The following SINHCAF variants were observed in gnomAD, a reference collection of about 807,000 sequenced individuals.
SINHCAF encodes SIN3-HDAC complex-associated factor.
SINHCAF carries 3 observed loss-of-function variants against 25.8 expected under a neutral mutation model. The ratio of observed to expected loss-of-function variants is 0.12; its 90% CI spans 0.05 to 0.30. The LOEUF (loss-of-function observed/expected upper bound fraction) is 0.30, where lower values mean the gene tolerates loss of function less well. Ranked by LOEUF, SINHCAF falls within the 10% of genes least tolerant of loss-of-function variation. The pLI is 1.00. For synonymous variants in SINHCAF, 70 were observed against 85.5 expected (o/e 0.82, Z 1.00); for missense variants, 121 against 262.3 (o/e 0.46, Z 3.72).
chr12:31,304,968 A>G (rs1938961225), intron 1 of SINHCAF: 1 of 152,222 alleles, frequency 6.6e-6, no homozygotes, highest in Non-Finnish European at 1.5e-5. Context: ...GAATGTTTAG[A>G]CAGGAGATCA....
chr12:31,283,521 T>G (rs1389713258), intron 5 of SINHCAF, among the ~76,000 whole-genome samples: 7 of 151,966 alleles, frequency 4.6e-5, no homozygotes, highest in African/African-American at 7.3e-5. Context: ...TAGAATCACT[T>G]GAACCCAGGA....
At chr12:31,323,137 C>T (rs1939768030) in intron 1 of SINHCAF, among the ~76,000 whole-genome samples, 1 of 152,144 alleles carries the variant, frequency 6.6e-6, no homozygotes, top group Admixed American at 6.5e-5. Flanking sequence ...TCAAGGTCAT[C>T]CTAAGGCACT....
At chr12:31,307,150 TC>T (rs1939061203) in intron 1 of SINHCAF, among the ~76,000 whole-genome samples, 2 of 152,288 alleles carry the variant, frequency 1.3e-5, no homozygotes, top group Admixed American at 6.5e-5. Context: ...CACTTTGTGG[TC>T]TGCTAAATTC....
At chr12:31,314,231 A>G (rs1481157643) in intron 1 of SINHCAF, among the ~76,000 whole-genome samples, 2 of 152,058 alleles carry the variant, frequency 1.3e-5, no homozygotes, top group Non-Finnish European at 2.9e-5. Flanking sequence ...AGTTAGAAAG[A>G]TGAAGATAGA....
intron 5 of SINHCAF, among the ~76,000 whole-genome samples, chr12:31,285,418 TACACAC>T (rs71444392): frequency 0.012 from 1,688 of 141,432 alleles, 16 homozygotes; most frequent in East Asian, 0.037. Context: ...TATATATACA[TACACAC>T]ACACACACAC....
At chr12:31,309,155 A>ACTATCAT (rs1289867570) in intron 1 of SINHCAF, among the ~76,000 whole-genome samples, 1 of 149,740 alleles carries the variant, frequency 6.7e-6, no homozygotes, top group Non-Finnish European at 1.5e-5. Context: ...AAAAAAGAAC[A>ACTATCAT]CTATCATCCT....
At position 31,324,608 on chromosome 12, in the gene SINHCAF, G is replaced by C. The variant is rs1200612249; in HGVS notation, c.-21+1416C>G. 3.8e-6 allele frequency: 1 copy of C among 261,192 alleles called. No homozygotes were observed. The highest frequency in any genetic ancestry group is 2.3e-5 in the African/African-American group (1 of 43,474). 16.2% of individuals were successfully genotyped at this position (261,192 alleles called of 1,614,324 possible). ...CCGACCTGCACGGCCCTACGCCCAG[G>C]CGGCGGCCCCGAGCGCCGGGGGCCC... On this transcript the variant is annotated intron_variant, in intron 1 of 5. Coordinates refer to ENST00000337682, the MANE Select transcript of SINHCAF (RefSeq NM_001135812.2). This position sits in a 1 kb window ranked among gnomAD's most constrained non-coding sequence, Gnocchi z 5.5.
rs528873010 is a variant in SINHCAF, at chr12:31,311,696, T to C, written c.-20-13472A>G. ...ACAATATTTTTGAAGTATGCAAGCA[T>C]TGAGAAAAATGGTGAATTTTTCATG... On this transcript the variant is annotated intron_variant, in intron 1 of 5. Coordinates refer to ENST00000337682, the MANE Select transcript of SINHCAF (RefSeq NM_001135812.2). 5.3e-4 allele frequency: 260 copies of C among 492,890 alleles called. 4 individuals carry two copies. Among genetic ancestry groups the C allele is most frequent in the South Asian group, 3.9e-3 (224 of 57,054 alleles). 30.5% of individuals were successfully genotyped at this position (492,890 alleles called of 1,614,324 possible).
At chr12:31,289,124 C>T (rs1460992604) in intron 4 of SINHCAF, among the ~76,000 whole-genome samples, 1 of 152,054 alleles carries the variant, frequency 6.6e-6, no homozygotes, top group African/African-American at 2.4e-5. Flanking sequence ...CCCATATGAA[C>T]GACACAGAAA....
intron 1 of SINHCAF, among the ~76,000 whole-genome samples, chr12:31,306,847 T>A (rs1939045426): frequency 6.6e-6 from 1 of 152,222 alleles, no homozygotes; most frequent in African/African-American, 2.4e-5. Context: ...TGCTACTTTA[T>A]TCTTTGCTAG....
rs372438568 is a variant in SINHCAF at position 31,299,538 on chromosome 12, G to A, written c.-20-1314C>T. ...TCAGCATGTTAGCCAGGATGGTCTC[G>A]ATCTCCTGACCTTGTGATCCACCCG... On this transcript the variant is annotated intron_variant, in intron 1 of 5. Transcript: ENST00000337682. 9.2e-5 allele frequency among the ~76,000 whole-genome samples: 14 copies of A among 152,118 alleles called. No individual in the cohort carries two copies. The South Asian group carries it at 2.3e-3, about 25-fold the overall frequency.
rs532837870 is a variant in SINHCAF, at chr12:31,324,064, G to T, written c.-21+1960C>A. On this transcript the variant is annotated intron_variant, in intron 1 of 5. Coordinates refer to ENST00000337682, the MANE Select transcript of SINHCAF (RefSeq NM_001135812.2). The surrounding 1 kb of genome is among the most constrained non-coding windows in gnomAD (Gnocchi z 5.5). ...TAAATAAGACATCTCGCGTCGGGAGGAAAGTTCCTGCGGGGGCCGCTCGCC... is the reference window on the plus strand; with the variant it reads ...TAAATAAGACATCTCGCGTCGGGAGTAAAGTTCCTGCGGGGGCCGCTCGCC... 2 of 454,138 alleles carry T rather than the reference G, an allele frequency of 4.4e-6. No homozygotes were observed. Among genetic ancestry groups the T allele is most frequent in the African/African-American group, 2.0e-5 (1 of 50,126 alleles). 28.1% of individuals were successfully genotyped at this position (454,138 alleles called of 1,614,324 possible). A position where few individuals can be genotyped will look rare whatever the true frequency, so the allele number is the denominator to read the frequency against.
At chr12:31,303,311 T>TG (rs1369677105) in intron 1 of SINHCAF, 2 of 801,372 alleles carry the variant, frequency 2.5e-6, no homozygotes, top group African/African-American at 3.7e-5. Context: ...CCTTCTGCAT[T>TG]GGGAAGGCTC....
rs115650776 is a variant in SINHCAF at position 31,297,992 on chromosome 12, G to T, written c.128+85C>A. On this transcript the variant is annotated intron_variant, in intron 2 of 5. Transcript: ENST00000337682. ...AAGTGATTTTTATTATTAGCACATT[G>T]TTCCAATCACCTTGCTTACAAATAT... The T allele has an allele frequency of 5.6e-4, 737 of 1,314,286 alleles. 8 individuals are homozygous for T. The African/African-American group carries it at 9.8e-3, about 17-fold the overall frequency. 81.4% of individuals were successfully genotyped at this position (1,314,286 alleles called of 1,614,324 possible).
intron 1 of SINHCAF, among the ~76,000 whole-genome samples, chr12:31,316,599 A>C (rs1207709577): frequency 6.6e-6 from 1 of 152,210 alleles, no homozygotes; most frequent in African/African-American, 2.4e-5. Flanking sequence ...AATTAAACAC[A>C]TAAGTTTACT....
At chr12:31,299,204 G>C (rs1473247431) in intron 1 of SINHCAF, among the ~76,000 whole-genome samples, 1 of 152,162 alleles carries the variant, frequency 6.6e-6, no homozygotes, top group Non-Finnish European at 1.5e-5. Context: ...GTGATGAAAA[G>C]GCAATGAATA....
rs1937755532 is a variant in SINHCAF, at chr12:31,280,698, C to G, written c.*2014G>C. 1 of 152,266 alleles carries G rather than the reference C, an allele frequency of 6.6e-6. No individual in the cohort carries two copies. Among genetic ancestry groups the G allele is most frequent in the African/African-American group, 2.4e-5 (1 of 41,310 alleles). The allele number at this position is 152,266 out of a possible 1,614,324, so 9.4% of individuals were successfully genotyped here. A position where few individuals can be genotyped will look rare whatever the true frequency, so the allele number is the denominator to read the frequency against. ...TCTGTAGATTTCTAATATATTAATA[C>G]AAAGTGCATGACTACATACAGTACA... On this transcript the variant is annotated 3_prime_UTR_variant, in exon 6 of 6. Coordinates refer to ENST00000337682, the MANE Select transcript of SINHCAF (RefSeq NM_001135812.2).
chr12:31,324,051 C>A lies in SINHCAF; in HGVS notation c.-21+1973G>T. On this transcript the variant is annotated intron_variant, in intron 1 of 5. Coordinates refer to ENST00000337682, the MANE Select transcript of SINHCAF (RefSeq NM_001135812.2). This position sits in a 1 kb window ranked among gnomAD's most constrained non-coding sequence, Gnocchi z 5.5. ...GTGGATTTGTTGGTAAATAAGACATCTCGCGTCGGGAGGAAAGTTCCTGCG... is the reference window on the plus strand; with the variant it reads ...GTGGATTTGTTGGTAAATAAGACATATCGCGTCGGGAGGAAAGTTCCTGCG... The A allele has an allele frequency of 2.2e-6, 1 of 454,552 alleles. No individual in the cohort carries two copies. Among genetic ancestry groups the A allele is most frequent in the South Asian group, 1.6e-5 (1 of 64,494 alleles). The allele number at this position is 454,552 out of a possible 1,614,324, so 28.2% of individuals were successfully genotyped here. A position where few individuals can be genotyped will look rare whatever the true frequency, so the allele number is the denominator to read the frequency against.
At chr12:31,305,417 T>C (rs1938981380) in intron 1 of SINHCAF, among the ~76,000 whole-genome samples, 1 of 152,186 alleles carries the variant, frequency 6.6e-6, no homozygotes, top group Admixed American at 6.5e-5. Context: ...GTATCAGTCA[T>C]CTTGATTCCC....
Sources: gnomAD v4.1 joint callset for allele counts (sites outside exome capture counted in the v4.1 genomes callset) on GRCh38, gnomAD v4.1.1 for gene constraint, Gnocchi (gnomAD v3.1) non-coding constraint, MANE v1.5 for transcripts, NCBI Gene and HGNC (gene_info 2026-07-23, HGNC 2026-07-21) for gene names.